CNTFR: variants seen among roughly 807,000 people sequenced by gnomAD.
The protein encoded by CNTFR is ciliary neurotrophic factor receptor subunit alpha.
Under a neutral mutation model 40.4 loss-of-function variants are expected in CNTFR, and 12 were observed. The observed-to-expected ratio is 0.30, with a 90% CI of 0.19 to 0.48. The LOEUF is 0.48. CNTFR is among the 20% of genes least tolerant of loss of function. CNTFR has a pLI of 0.99. For missense variants in CNTFR, 414 were observed against 506.8 expected (o/e 0.82, Z 1.76); for synonymous variants, 202 against 209.6 (o/e 0.96, Z 0.31).
Position 34,551,913 on chromosome 9 carries a change from G to A in CNTFR, c.*158C>T, listed in dbSNP as rs956688504. The A allele has an allele frequency of 3.5e-5, 25 of 709,342 alleles. No individual in the cohort carries two copies. The highest frequency in any genetic ancestry group is 6.0e-5 in the Non-Finnish European group (23 of 385,626). 43.9% of individuals were successfully genotyped at this position (709,342 alleles called of 1,614,324 possible). On this transcript the variant is annotated 3_prime_UTR_variant, in exon 10 of 10. Coordinates refer to ENST00000378980, the MANE Select transcript of CNTFR (RefSeq NM_147164.3). ...GCTTGGTGCGGCAGGGCTGGGGGGC[G>A]GCAGGCCCGGGCCCGCCGGGGTCTC...
At chr9:34,575,811 C>CG (rs1463551917) in intron 2 of CNTFR, among the ~76,000 whole-genome samples, 1 of 152,068 alleles carries the variant, frequency 6.6e-6, no homozygotes, top group African/African-American at 2.4e-5. Flanking sequence ...AAAGAAGCTT[C>CG]AAATGTCTTC....
intron 1 of CNTFR, chr9:34,582,279 A>C (rs1184807061): frequency 5.8e-5 from 1 of 17,294 alleles, no homozygotes; most frequent in East Asian, 9.3e-3. Flanking sequence ...CCTATGGCAA[A>C]AAAAAAAAAA....
At chr9:34,570,777 C>T (rs1177149475) in intron 2 of CNTFR, among the ~76,000 whole-genome samples, 1 of 152,186 alleles carries the variant, frequency 6.6e-6, no homozygotes, top group Non-Finnish European at 1.5e-5. Context: ...GACTCAGCTC[C>T]AGACAGTGCA....
chr9:34,562,196 G>A (rs1826103591), intron 4 of CNTFR, among the ~76,000 whole-genome samples: 1 of 152,188 alleles, frequency 6.6e-6, no homozygotes, highest in South Asian at 2.1e-4. Flanking sequence ...TGCCAAGTTG[G>A]GTTCATCCTT....
rs1263515867 is a variant in CNTFR, at chr9:34,557,120, C to A, written c.604+406G>T. 6.8e-6 allele frequency among the ~76,000 whole-genome samples: 1 copy of A among 147,322 alleles called. No homozygotes were observed. Among genetic ancestry groups the A allele is most frequent in the African/African-American group, 2.5e-5 (1 of 40,060 alleles). On this transcript the variant is annotated intron_variant, in intron 6 of 9. Coordinates refer to ENST00000378980, the MANE Select transcript of CNTFR (RefSeq NM_147164.3). This position sits in a 1 kb window ranked among gnomAD's most constrained non-coding sequence, Gnocchi z 4.2. ...GGGATGGGGGGGGTCAGGGGGAGGG[C>A]AGTATCTGTCCCAGTCCTGTCTCCT...
intron 2 of CNTFR, among the ~76,000 whole-genome samples, chr9:34,575,051 G>A (rs529639954): frequency 6.6e-5 from 10 of 152,342 alleles, no homozygotes; most frequent in African/African-American, 2.2e-4. Context: ...TAGCCCTCTA[G>A]ATGCAGAAGG....
intron 3 of CNTFR, 117 bp from the exon 4 acceptor site, chr9:34,564,949 G>C (rs756731083): frequency 5.0e-6 from 4 of 803,820 alleles, no homozygotes; most frequent in Non-Finnish European, 8.1e-6. Flanking sequence ...CGAGAGGCTC[G>C]GTGTCTGTGT....
chr9:34,564,714 C>A lies in CNTFR; in HGVS notation c.204G>T (p.Leu68=). 8 of 1,614,120 alleles carry A rather than the reference C, an allele frequency of 5.0e-6. No individual in the cohort carries two copies. Among genetic ancestry groups the A allele is most frequent in the Non-Finnish European group, 6.8e-6 (8 of 1,180,018 alleles). Residue 68 remains leucine, a synonymous_variant, in exon 4 of 10, where the codon CTG becomes CTT. Coordinates refer to ENST00000378980, the MANE Select transcript of CNTFR (RefSeq NM_147164.3). ...RVNGTDLAPD[L]LNGSQLVLHG... is the part of the protein sequence containing the mutation. ...GGAGCACCAGCTGAGAGCCGTTGAG[C>A]AGGTCAGGGGCCAGGTCTGTCCCAT...
chr9:34,583,371 T>C (rs1388621764), intron 1 of CNTFR, among the ~76,000 whole-genome samples: 3 of 152,180 alleles, frequency 2.0e-5, no homozygotes, highest in Admixed American at 6.5e-5. Context: ...TGCAGAGAGA[T>C]GAAATCCCCT....
At chr9:34,574,282 A>G (rs949924740) in intron 2 of CNTFR, among the ~76,000 whole-genome samples, 3 of 152,084 alleles carry the variant, frequency 2.0e-5, no homozygotes, top group South Asian at 2.1e-4. Flanking sequence ...CCCACTCCCT[A>G]TGGTGTTTCT....
At chr9:34,570,669 G>A (rs182042823) in intron 2 of CNTFR, among the ~76,000 whole-genome samples, 3 of 152,270 alleles carry the variant, frequency 2.0e-5, no homozygotes, top group South Asian at 4.2e-4. Context: ...CACACTGCCA[G>A]AGACACCGTT....
chr9:34,562,708 G>A (rs1412984511), intron 4 of CNTFR, among the ~76,000 whole-genome samples: 1 of 152,182 alleles, frequency 6.6e-6, no homozygotes, highest in African/African-American at 2.4e-5. Flanking sequence ...AGAGGAGCTT[G>A]AATCATTGGC....
In CNTFR at chr9:34,564,798, A is replaced by G. The variant is rs1184003156; in HGVS notation, c.120T>C (p.Ser40=). The G allele has an allele frequency of 5.0e-6, 8 of 1,613,808 alleles. No individual in the cohort carries two copies. The East Asian group carries it at 1.3e-4, about 27-fold the overall frequency. Residue 40 remains serine, a synonymous_variant, in exon 4 of 10, where the codon TCT becomes TCC. Coordinates refer to ENST00000378980, the MANE Select transcript of CNTFR (RefSeq NM_147164.3). ...APHVQYERLG[S]DVTLPCGTAN... The stretch of plus-strand genomic sequence containing the variant: ...CTGTCCCACATGGCAGTGTCACGTC[A>G]GAGCCCAGGCGCTCGTACTGCACAT...
chr9:34,578,207 G>C (rs1375165863), intron 2 of CNTFR, among the ~76,000 whole-genome samples: 1 of 152,136 alleles, frequency 6.6e-6, no homozygotes, highest in Admixed American at 6.5e-5. Context: ...CGAGGGCCGA[G>C]CCCCGAGTGA....
At chr9:34,578,810 T>C (rs111907724) in intron 2 of CNTFR, among the ~76,000 whole-genome samples, 2 of 152,154 alleles carry the variant, frequency 1.3e-5, no homozygotes, top group African/African-American at 4.8e-5. Context: ...TGCTGGGAAT[T>C]TGGGGGAATC....
chr9:34,590,384 A>C (rs1827727589), upstream of CNTFR, among the ~76,000 whole-genome samples: 1 of 152,120 alleles, frequency 6.6e-6, no homozygotes. Flanking sequence ...CGTCGCCGTG[A>C]GAGGAACGCG....
chr9:34,568,793 G>A, intron 3 of CNTFR, 104 bp downstream of exon 3: 1 of 1,006,910 alleles, frequency 9.9e-7, no homozygotes, highest in Admixed American at 2.0e-5. Flanking sequence ...GTGTGACAAT[G>A]CCAGTGTGTG....
intron 1 of CNTFR, among the ~76,000 whole-genome samples, chr9:34,584,238 A>G (rs2132263821): frequency 6.6e-6 from 1 of 152,352 alleles, no homozygotes; most frequent in South Asian, 2.1e-4. Flanking sequence ...GTTATTTAGG[A>G]TAACAGATTA....
chr9:34,584,649 G>T (rs550718989), intron 1 of CNTFR, among the ~76,000 whole-genome samples: 3 of 152,260 alleles, frequency 2.0e-5, no homozygotes, highest in African/African-American at 7.2e-5. Context: ...TCAGAGATGG[G>T]GTCCATTCCC....
Sources: allele counts gnomAD v4.1 joint callset (sites outside exome capture counted in the v4.1 genomes callset), GRCh38; gene constraint gnomAD v4.1.1; non-coding constraint Gnocchi (gnomAD v3.1); transcripts MANE v1.5; gene names NCBI Gene and HGNC (gene_info 2026-07-23, HGNC 2026-07-21).